Variants in PARD3B observed in about 807,000 individuals in gnomAD.
PARD3B encodes the protein par-3 family cell polarity regulator beta.
A neutral mutation model predicts 130.2 loss-of-function variants in PARD3B; 103 were observed. The observed-to-expected ratio is 0.79, with a 90% CI of 0.67 to 0.93. The LOEUF is 0.93. PARD3B is among the 40% of genes least tolerant of loss of function. The pLI is 0.00. For missense variants in PARD3B, 1,609 were observed against 1,499.2 expected, an observed-to-expected ratio of 1.07 and a Z score of -1.21; for synonymous variants, 583 against 553.2, an observed-to-expected ratio of 1.05 and a Z score of -0.76.
chr2:204,743,625 C>A (rs1196499050), intron 2 of PARD3B, among the ~76,000 whole-genome samples: 1 of 152,116 alleles, frequency 6.6e-6, no homozygotes, highest in Non-Finnish European at 1.5e-5. Context: ...GGGTTTCTAA[C>A]TTCCTTCTTA....
chr2:204,973,507 T>A lies in PARD3B; in HGVS notation c.394+8184T>A, dbSNP rs79723099. Among the ~76,000 whole-genome samples the A allele has an allele frequency of 3.2e-3, 55 of 17,298 alleles. No homozygotes were observed. The African/African-American group carries it at 0.039, about 12-fold the overall frequency. The allele number at this position is 17,298 out of a possible 152,430, so 11.3% of individuals were successfully genotyped here. Reference sequence around the variant, plus strand: ...AAATGTAATGTTTAGCCTTTAAGATTTTTTTTTTCTCTCTGAGTGTGTATG... The same window carrying A: ...AAATGTAATGTTTAGCCTTTAAGATATTTTTTTTCTCTCTGAGTGTGTATG... On this transcript the variant is annotated intron_variant, in intron 3 of 22. Coordinates refer to ENST00000406610, the MANE Select transcript of PARD3B (RefSeq NM_001302769.2).
intron 22 of PARD3B, among the ~76,000 whole-genome samples, chr2:205,608,616 C>T (rs960565672): frequency 2.6e-5 from 4 of 152,158 alleles, no homozygotes; most frequent in Non-Finnish European, 4.4e-5. Context: ...TTAAAAACCT[C>T]TCATCCCCTC....
At chr2:205,367,351 C>G (rs1024914637) in intron 18 of PARD3B, among the ~76,000 whole-genome samples, 2 of 152,076 alleles carry the variant, frequency 1.3e-5, no homozygotes, top group Non-Finnish European at 2.9e-5. Context: ...CCATCCTCCT[C>G]TTAAGTGAGG....
intron 15 of PARD3B, among the ~76,000 whole-genome samples, chr2:205,243,922 T>C (rs543726895): frequency 1.3e-5 from 2 of 152,252 alleles, no homozygotes; most frequent in Non-Finnish European, 2.9e-5. Context: ...CTATGGTTAT[T>C]TTTAATCATT....
At position 205,090,190 on chromosome 2, in the gene PARD3B, G is replaced by T. The variant is rs140214588; in HGVS notation, c.505-14236G>T. ...AAGTGTGAGGTTGCCTCACTAATTA[G>T]ATATGGCGGAGTGATTGGGCATAGT... On this transcript the variant is annotated intron_variant, in intron 4 of 22. Transcript: ENST00000406610. Among the ~76,000 whole-genome samples the T allele has an allele frequency of 4.6e-5, 7 of 152,322 alleles. No individual in the cohort carries two copies. In the East Asian group the frequency reaches 1.4e-3, roughly 29 times the overall value.
chr2:205,155,071 A>G (rs1280235575), intron 10 of PARD3B, among the ~76,000 whole-genome samples: 1 of 152,004 alleles, frequency 6.6e-6, no homozygotes, highest in Non-Finnish European at 1.5e-5. Flanking sequence ...CAAAAAAAAA[A>G]ACAAATTTAG....
intron 6 of PARD3B, among the ~76,000 whole-genome samples, chr2:205,114,476 G>T (rs201675954): frequency 1.1e-5 from 1 of 93,766 alleles, no homozygotes; most frequent in African/African-American, 3.3e-5. Flanking sequence ...TCATTGAAAA[G>T]GGGGGATTCC....
At chr2:204,670,472 C>T (rs2036247365) in intron 1 of PARD3B, among the ~76,000 whole-genome samples, 1 of 152,162 alleles carries the variant, frequency 6.6e-6, no homozygotes, top group Non-Finnish European at 1.5e-5. Context: ...CTCTAAACCC[C>T]ACAGGTTTTT....
In PARD3B at chr2:204,635,245, C is replaced by T. The variant is rs2034834680; in HGVS notation, c.121-50936C>T. On this transcript the variant is annotated intron_variant, in intron 1 of 22. Transcript: ENST00000406610. The stretch of plus-strand genomic sequence containing the variant: ...CATTTTGTACTTTTCCTCCCCCGGA[C>T]GAGGATCAGCTGTTTCTCCTTGGAG... Among the ~76,000 whole-genome samples the T allele has an allele frequency of 2.0e-5, 3 of 152,076 alleles. No homozygotes were observed. The South Asian group carries it at 6.2e-4, about 32-fold the overall frequency.
chr2:204,741,939 C>T (rs990878007), intron 2 of PARD3B, among the ~76,000 whole-genome samples: 2 of 152,048 alleles, frequency 1.3e-5, no homozygotes, highest in Non-Finnish European at 2.9e-5. Context: ...TCCGGAGGTT[C>T]TCAGTGTGGT....
chr2:204,627,715 T>C (rs1413496102), intron 1 of PARD3B, among the ~76,000 whole-genome samples: 2 of 152,276 alleles, frequency 1.3e-5, no homozygotes, highest in African/African-American at 2.4e-5. Flanking sequence ...GGTATGAATA[T>C]ACTATGTTTG....
chr2:205,191,222 G>A (rs2036382606), intron 14 of PARD3B, among the ~76,000 whole-genome samples: 1 of 152,066 alleles, frequency 6.6e-6, no homozygotes, highest in Non-Finnish European at 1.5e-5. Flanking sequence ...ATAAAGAAAA[G>A]GATTCTTAAT....
At chr2:205,132,567 T>C (rs568169388) in intron 10 of PARD3B, among the ~76,000 whole-genome samples, 1 of 152,286 alleles carries the variant, frequency 6.6e-6, no homozygotes. Context: ...GTCTAGTTTA[T>C]GGAACCTTAC....
intron 4 of PARD3B, among the ~76,000 whole-genome samples, chr2:205,060,757 A>G (rs1700020897): frequency 6.6e-6 from 1 of 152,168 alleles, no homozygotes; most frequent in Non-Finnish European, 1.5e-5. Context: ...AAGGGAAATG[A>G]TTTAAATTAA....
chr2:204,790,784 G>C (rs76310267), intron 2 of PARD3B, among the ~76,000 whole-genome samples: 4,381 of 152,212 alleles, frequency 0.029, 226 homozygotes, highest in African/African-American at 0.1. Flanking sequence ...TGAAAACACT[G>C]TCCGCTTATT....
chr2:205,200,591 C>T (rs966747184), intron 15 of PARD3B, among the ~76,000 whole-genome samples: 1 of 152,110 alleles, frequency 6.6e-6, no homozygotes. Flanking sequence ...ATTCATTCAA[C>T]AAGGATTTAT....
At chr2:204,961,456 G>A (rs1690740109) in intron 2 of PARD3B, among the ~76,000 whole-genome samples, 1 of 152,142 alleles carries the variant, frequency 6.6e-6, no homozygotes. Flanking sequence ...TAATTGGGAT[G>A]TAAAGAGCTA....
At chr2:204,946,479 C>G (rs941087412) in intron 2 of PARD3B, among the ~76,000 whole-genome samples, 1 of 152,004 alleles carries the variant, frequency 6.6e-6, no homozygotes, top group East Asian at 1.9e-4. Context: ...TAAATCAACT[C>G]TAGCCTGCAG....
chr2:205,307,867 C>G (rs531258213), intron 18 of PARD3B, among the ~76,000 whole-genome samples: 4 of 152,262 alleles, frequency 2.6e-5, no homozygotes, highest in Non-Finnish European at 5.9e-5. Context: ...AACCTTTGAA[C>G]TGTCAACTTA....
Sources: allele counts gnomAD v4.1 joint callset (sites outside exome capture counted in the v4.1 genomes callset), GRCh38; gene constraint gnomAD v4.1.1; transcripts MANE v1.5; gene names NCBI Gene and HGNC (gene_info 2026-07-23, HGNC 2026-07-21).